The following TUSC3 variants were observed in gnomAD, a reference collection of about 807,000 sequenced individuals.
TUSC3 encodes dolichyl-diphosphooligosaccharide--protein glycosyltransferase subunit TUSC3.
A neutral mutation model predicts 44.8 loss-of-function variants in TUSC3; 45 were observed. The ratio of observed to expected loss-of-function variants is 1.00; its 90% CI spans 0.79 to 1.29. TUSC3 has a LOEUF of 1.29. Ranked by LOEUF, TUSC3 falls within the 50% of genes most tolerant of loss-of-function variation. The pLI, the probability that TUSC3 is intolerant of heterozygous loss-of-function variation, is 0.00. For synonymous variants in TUSC3, 212 were observed against 152.9 expected (o/e 1.39, Z -2.85); for missense variants, 519 against 437.9 (o/e 1.19, Z -1.65).
At chr8:15,461,928 G>A (rs532634280) in intron 1 of TUSC3, among the ~76,000 whole-genome samples, 215 of 152,086 alleles carry the variant, frequency 1.4e-3, no homozygotes, top group African/African-American at 5.0e-3. Context: ...TGGATATGTG[G>A]TGATTATAGC....
At chr8:15,686,316 T>C (rs1453764038) in intron 6 of TUSC3, among the ~76,000 whole-genome samples, 1 of 152,040 alleles carries the variant, frequency 6.6e-6, no homozygotes, top group Non-Finnish European at 1.5e-5. Flanking sequence ...TTTTCAAGAT[T>C]TGGATTTTAG....
rs763631769 is a variant in TUSC3 at position 15,746,831 on chromosome 8, ATTATAGGTTT to A, written c.938-1538_938-1529del. ...TATAGAGTAAATAATTTTGTAATTA[ATTATAGGTTT>A]TTATAAACAAAGTTGTTACTATGCT... is the stretch of plus-strand genomic sequence containing the variant. On this transcript the variant is annotated intron_variant, in intron 8 of 10. Transcript: ENST00000503731. Among the ~76,000 whole-genome samples the A allele has an allele frequency of 1.8e-4, 27 of 152,282 alleles. No individual in the cohort carries two copies. The South Asian group carries it at 5.6e-3, about 32-fold the overall frequency.
At chr8:15,688,918 C>A in intron 6 of TUSC3, 1 of 177,950 alleles carries the variant, frequency 5.6e-6, no homozygotes. Flanking sequence ...TGTCAGTGCA[C>A]CAGGGGTCGC....
At position 15,730,656 on chromosome 8, in the gene TUSC3, T is replaced by G. The variant is rs761810647; in HGVS notation, c.799-10T>G. On this transcript the variant is annotated splice_polypyrimidine_tract_variant and intron_variant, in intron 6 of 10. Coordinates refer to ENST00000503731, the MANE Select transcript of TUSC3 (RefSeq NM_006765.4). ...CTCAGACTGTAATTTCTGTTTGTCTTCTTTTATAGAGCTACATTCATGGGA... is the reference window on the plus strand; with the variant it reads ...CTCAGACTGTAATTTCTGTTTGTCTGCTTTTATAGAGCTACATTCATGGGA... 6.2e-7 allele frequency: 1 copy of G among 1,612,708 alleles called. No individual in the cohort carries two copies. The highest frequency in any genetic ancestry group is 8.5e-7 in the Non-Finnish European group (1 of 1,179,198).
intron 2 of TUSC3, among the ~76,000 whole-genome samples, chr8:15,527,658 G>C (rs934375621): frequency 1.3e-5 from 2 of 152,086 alleles, no homozygotes; most frequent in Admixed American, 6.6e-5. Context: ...TCCCATGTTG[G>C]CCTCCCAAAG....
chr8:15,804,770 C>A, the TUSC3 span, among the ~76,000 whole-genome samples: 1 of 152,144 alleles, frequency 6.6e-6, no homozygotes, highest in Non-Finnish European at 1.5e-5. Context: ...CCTCCTCCAA[C>A]TTTGCTCTTT....
At chr8:15,641,482 G>T (rs374713291) in intron 2 of TUSC3, among the ~76,000 whole-genome samples, 1 of 152,196 alleles carries the variant, frequency 6.6e-6, no homozygotes, top group African/African-American at 2.4e-5. Flanking sequence ...GGTGCAGAGA[G>T]TGAGAGGGGA....
In TUSC3 at chr8:15,540,383, C is replaced by T. The variant is rs750899051; in HGVS notation, c.-48C>T. On this transcript the variant is annotated 5_prime_UTR_variant, in exon 1 of 11. Transcript: ENST00000503731. ...GGGCAGGCGTGGTGCGCGGTAGGAG[C>T]TGGGCGCGCACGGCTACCGCGCGTG... 26 of 1,504,958 alleles carry T rather than the reference C, an allele frequency of 1.7e-5. 1 individual carries two copies. The East Asian group carries it at 6.2e-4, about 36-fold the overall frequency. The allele number at this position is 1,504,958 out of a possible 1,614,324, so 93.2% of individuals were successfully genotyped here.
intron 6 of TUSC3, among the ~76,000 whole-genome samples, chr8:15,687,406 G>T (rs547618727): frequency 1.3e-5 from 2 of 152,222 alleles, no homozygotes; most frequent in South Asian, 4.2e-4. Context: ...TCATTTTATG[G>T]CTGTGACACT....
chr8:15,693,799 C>T (rs1471448364), intron 6 of TUSC3, among the ~76,000 whole-genome samples: 3 of 151,986 alleles, frequency 2.0e-5, no homozygotes, highest in Non-Finnish European at 4.4e-5. Flanking sequence ...GATTTGGTTC[C>T]CTTTACATAG....
At chr8:15,849,020 T>C in the TUSC3 span, among the ~76,000 whole-genome samples, 677 of 152,328 alleles carry the variant, frequency 4.4e-3, 3 homozygotes, top group Non-Finnish European at 7.5e-3. Flanking sequence ...ATGCCCAGAA[T>C]ACTTTTAATA....
chr8:15,638,333 G>A (rs1392302751), intron 2 of TUSC3, among the ~76,000 whole-genome samples: 1 of 151,804 alleles, frequency 6.6e-6, no homozygotes, highest in East Asian at 1.9e-4. Context: ...TACTGTACTG[G>A]CATTAGTAGT....
intron 2 of TUSC3, among the ~76,000 whole-genome samples, chr8:15,626,372 C>G (rs995901908): frequency 4.6e-5 from 7 of 152,176 alleles, no homozygotes; most frequent in African/African-American, 1.7e-4. Context: ...AGAGGGGACC[C>G]CAAGGCGGAA....
chr8:15,417,225 C>G (rs1021514215), exon 1 of TUSC3: 2 of 152,520 alleles, frequency 1.3e-5, no homozygotes, highest in East Asian at 3.9e-4. Flanking sequence ...GAAGATCTGC[C>G]TCCTTCCTCT....
At chr8:15,616,408 T>A (rs766161220) in intron 1 of TUSC3, among the ~76,000 whole-genome samples, 5 of 152,066 alleles carry the variant, frequency 3.3e-5, no homozygotes, top group Non-Finnish European at 7.4e-5. Context: ...CAAAACTCCG[T>A]TTTTACTAAA....
chr8:15,629,659 G>A (rs1805672318), intron 2 of TUSC3, among the ~76,000 whole-genome samples: 1 of 148,954 alleles, frequency 6.7e-6, no homozygotes, highest in South Asian at 2.1e-4. Context: ...AATTGTTTAG[G>A]ATCTTTGAAA....
upstream of TUSC3, among the ~76,000 whole-genome samples, chr8:15,539,345 CT>C (rs35685582): frequency 0.061 from 4,232 of 69,044 alleles, 17 homozygotes; most frequent in African/African-American, 0.12. Context: ...TGCTATGGTT[CT>C]TTTTTTTTTT....
Position 15,542,561 on chromosome 8 carries a change from T to A in TUSC3, c.138+1993T>A, listed in dbSNP as rs1243316771. 3.3e-5 allele frequency among the ~76,000 whole-genome samples: 5 copies of A among 152,102 alleles called. No homozygotes were observed. In the East Asian group the frequency reaches 9.7e-4, roughly 30 times the overall value. ...GGGTGCTTACATTTTTGTTTTTCGTTTACAAGGGGAAAAAAAAAATCTAAA... is the reference window on the plus strand; with the variant it reads ...GGGTGCTTACATTTTTGTTTTTCGTATACAAGGGGAAAAAAAAAATCTAAA... On this transcript the variant is annotated intron_variant, in intron 1 of 10. Coordinates refer to ENST00000503731, the MANE Select transcript of TUSC3 (RefSeq NM_006765.4).
chr8:15,524,760 C>G (rs1042606864), intron 2 of TUSC3, among the ~76,000 whole-genome samples: 1 of 152,122 alleles, frequency 6.6e-6, no homozygotes, highest in Non-Finnish European at 1.5e-5. Flanking sequence ...CTCTCATGAG[C>G]GCATAGTGAA....
Sources: allele counts gnomAD v4.1 joint callset (sites outside exome capture counted in the v4.1 genomes callset), GRCh38; gene constraint gnomAD v4.1.1; transcripts MANE v1.5; gene names NCBI Gene and HGNC (gene_info 2026-07-23, HGNC 2026-07-21).